Variants in CRTC3 observed in about 807,000 individuals in gnomAD.
CRTC3 encodes the protein CREB regulated transcription coactivator 3, also known as CREB-regulated transcription coactivator 3.
CRTC3 carries 26 observed loss-of-function variants against 74.5 expected under a neutral mutation model. The ratio of observed to expected loss-of-function variants is 0.35; its 90% confidence interval spans 0.26 to 0.48. The LOEUF (loss-of-function observed/expected upper bound fraction) is 0.48. CRTC3 is among the 20% of genes least tolerant of loss of function. CRTC3 has a pLI of 0.99. For missense variants in CRTC3, 760 were observed against 787.3 expected (o/e 0.97, Z 0.41); for synonymous variants, 377 against 325.8 (o/e 1.16, Z -1.69).
intron 9 of CRTC3, chr15:90,620,089 C>T (rs1330274422): frequency 6.1e-6 from 2 of 329,238 alleles, no homozygotes; most frequent in South Asian, 3.4e-5. Flanking sequence ...GAAGCAGAAA[C>T]GTGCAGGAAT....
intron 2 of CRTC3, among the ~76,000 whole-genome samples, chr15:90,555,057 G>A (rs1358162429): frequency 2.0e-5 from 3 of 152,110 alleles, no homozygotes; most frequent in Admixed American, 1.3e-4. Context: ...TGCGGGTGGG[G>A]GATGCACATG....
chr15:90,562,367 A>G (rs1967030727), intron 2 of CRTC3, among the ~76,000 whole-genome samples: 1 of 152,198 alleles, frequency 6.6e-6, no homozygotes, highest in Non-Finnish European at 1.5e-5. Flanking sequence ...CTTAAACAGT[A>G]ACATGCCCAA....
At chr15:90,629,058 G>A (rs1053262379) in intron 10 of CRTC3, among the ~76,000 whole-genome samples, 176 bp from the exon 11 acceptor site, 1 of 152,156 alleles carries the variant, frequency 6.6e-6, no homozygotes. Flanking sequence ...TAGTGCAGGG[G>A]CATCTTTTCC....
rs114276070 is a variant in CRTC3, at chr15:90,623,588, G to A, written c.750-2188G>A. 9.8e-3 allele frequency among the ~76,000 whole-genome samples: 1,493 copies of A among 152,118 alleles called. 17 individuals are homozygous for A. Among genetic ancestry groups the A allele is most frequent in the African/African-American group, 0.033 (1,356 of 41,470 alleles). ...CCTGCGCTCGTGGCCTCCTGCTGGA[G>A]CGTTCAGCAGAGTCATAGCGGCCTC... On this transcript the variant is annotated intron_variant, in intron 9 of 14. Coordinates refer to ENST00000268184, the MANE Select transcript of CRTC3 (RefSeq NM_022769.5).
intron 1 of CRTC3, among the ~76,000 whole-genome samples, chr15:90,531,811 G>A (rs989325236): frequency 2.0e-5 from 3 of 152,148 alleles, no homozygotes; most frequent in African/African-American, 7.2e-5. Context: ...CACTGTATAT[G>A]TCTGTATACC....
chr15:90,559,211 A>T (rs1966961439), intron 2 of CRTC3, among the ~76,000 whole-genome samples: 3 of 152,204 alleles, frequency 2.0e-5, no homozygotes. Context: ...TGAATCAAAT[A>T]GTTGAGTATT....
chr15:90,634,734 C>G, intron 11 of CRTC3: 1 of 812,998 alleles, frequency 1.2e-6, no homozygotes, highest in South Asian at 1.4e-5. Context: ...CATGGCAGGA[C>G]AAGCGTGTAG....
At chr15:90,611,338 C>T (rs750471892) in intron 6 of CRTC3, among the ~76,000 whole-genome samples, 5 of 152,094 alleles carry the variant, frequency 3.3e-5, no homozygotes, top group South Asian at 2.1e-4. Context: ...TAGAAGAGAC[C>T]GGCCCTCGGT....
intron 2 of CRTC3, among the ~76,000 whole-genome samples, chr15:90,585,461 ATT>A (rs11287839): frequency 1.3e-4 from 20 of 151,114 alleles, no homozygotes; most frequent in Admixed American, 4.0e-4. Flanking sequence ...ATTCCTTAAT[ATT>A]TTTTTTTTTA....
chr15:90,629,649 G>A, intron 11 of CRTC3, 117 bp downstream of exon 11: 1 of 939,494 alleles, frequency 1.1e-6, no homozygotes, highest in Non-Finnish European at 1.6e-6. Flanking sequence ...GCACCCATGA[G>A]GTCTCAAGTG....
chr15:90,574,261 G>A (rs764572171), intron 2 of CRTC3, among the ~76,000 whole-genome samples: 4 of 152,062 alleles, frequency 2.6e-5, no homozygotes, highest in African/African-American at 9.7e-5. Context: ...GGTAGATCAC[G>A]AGGTCAAGAG....
At chr15:90,555,379 A>G (rs1254280431) in intron 2 of CRTC3, among the ~76,000 whole-genome samples, 5 of 152,220 alleles carry the variant, frequency 3.3e-5, no homozygotes, top group Admixed American at 3.3e-4. Context: ...TTTATGAGTA[A>G]GATATTATCT....
At chr15:90,639,187 C>T (rs1969349602) in intron 13 of CRTC3, among the ~76,000 whole-genome samples, 2 of 152,034 alleles carry the variant, frequency 1.3e-5, no homozygotes, top group Non-Finnish European at 2.9e-5. Context: ...CAGAAGGTGG[C>T]GCCGCATTTG....
intron 2 of CRTC3, among the ~76,000 whole-genome samples, chr15:90,576,930 C>T (rs1004602251): frequency 6.6e-6 from 1 of 152,046 alleles, no homozygotes; most frequent in African/African-American, 2.4e-5. Context: ...ACCGGGACAC[C>T]GGGGCAAGGA....
At chr15:90,597,053 G>C (rs1173006523) in intron 3 of CRTC3, among the ~76,000 whole-genome samples, 1 of 152,234 alleles carries the variant, frequency 6.6e-6, no homozygotes, top group Non-Finnish European at 1.5e-5. Context: ...TCTGGAGTGG[G>C]CTTTGCCCTT....
At chr15:90,620,446 T>C (rs1221787688) in intron 9 of CRTC3, among the ~76,000 whole-genome samples, 3 of 152,118 alleles carry the variant, frequency 2.0e-5, no homozygotes, top group African/African-American at 7.2e-5. Context: ...TACAAAAATA[T>C]AGTACAAGCA....
At chr15:90,551,884 G>GA (rs1366002624) in intron 2 of CRTC3, among the ~76,000 whole-genome samples, 1 of 152,226 alleles carries the variant, frequency 6.6e-6, no homozygotes, top group East Asian at 1.9e-4. Context: ...CCTCTGAAAG[G>GA]GTGTGTGGTA....
At chr15:90,538,645 A>AGAT (rs10668788) in intron 1 of CRTC3, among the ~76,000 whole-genome samples, 37,457 of 151,980 alleles carry the variant, frequency 0.25, 4,998 homozygotes, top group East Asian at 0.55. Context: ...GAAGATGGAT[A>AGAT]GATGGGGTTT....
At chr15:90,537,631 G>T (rs1014173404) in intron 1 of CRTC3, among the ~76,000 whole-genome samples, 1 of 152,070 alleles carries the variant, frequency 6.6e-6, no homozygotes, top group Non-Finnish European at 1.5e-5. Flanking sequence ...TGATCCGCCC[G>T]CCTCGGCCTC....
Sources: allele counts gnomAD v4.1 joint callset (sites outside exome capture counted in the v4.1 genomes callset), GRCh38; gene constraint gnomAD v4.1.1; transcripts MANE v1.5; gene names NCBI Gene and HGNC (gene_info 2026-07-23, HGNC 2026-07-21).